Variants in PCDH15 observed in about 807,000 individuals in gnomAD.
The protein encoded by PCDH15 is protocadherin-15.
Under a neutral mutation model 178.5 loss-of-function variants are expected in PCDH15, and 129 were observed. The observed-to-expected ratio is 0.72, with a 90% CI of 0.63 to 0.84. The LOEUF is 0.84. PCDH15 is among the 40% of genes least tolerant of loss of function. PCDH15 has a pLI of 0.00. For missense variants in PCDH15, 2,230 were observed against 2,099.9 expected (o/e 1.06, Z -1.21); for synonymous variants, 800 against 732.0 (o/e 1.09, Z -1.50).
intron 2 of PCDH15, among the ~76,000 whole-genome samples, chr10:54,923,187 G>A (rs1298898772): frequency 1.4e-5 from 2 of 138,170 alleles, no homozygotes; most frequent in African/African-American, 5.0e-5. Context: ...GCCCCTTTTA[G>A]CCATGGCTGG....
intron 15 of PCDH15, among the ~76,000 whole-genome samples, chr10:54,110,351 G>A (rs766258902): frequency 1.3e-5 from 2 of 151,274 alleles, no homozygotes. Flanking sequence ...TAAATGGTAT[G>A]GGATCAGATT....
At chr10:54,881,274 C>T (rs1328670740) in intron 3 of PCDH15, among the ~76,000 whole-genome samples, 1 of 152,026 alleles carries the variant, frequency 6.6e-6, no homozygotes, top group African/African-American at 2.4e-5. Flanking sequence ...GACAGGCAGA[C>T]CTATTCTCCC....
intron 15 of PCDH15, among the ~76,000 whole-genome samples, chr10:54,122,002 T>TACACACACACACACACACACACACACAC (rs57135050): frequency 1.2e-4 from 17 of 146,408 alleles, no homozygotes; most frequent in African/African-American, 2.8e-4. Flanking sequence ...CAAAGACACA[T>TACACACACACACACACACACACACACAC]ACACACACAC....
intron 2 of PCDH15, among the ~76,000 whole-genome samples, chr10:55,111,862 C>A (rs561326217): frequency 2.4e-4 from 37 of 152,024 alleles, no homozygotes; most frequent in African/African-American, 8.0e-4. Context: ...TCAAAAAAAA[C>A]AATAAAAAAT....
chr10:55,438,442 T>G (rs1198114553), intron 2 of PCDH15, among the ~76,000 whole-genome samples: 1 of 152,174 alleles, frequency 6.6e-6, no homozygotes, highest in Non-Finnish European at 1.5e-5. Context: ...TATAGCTTTA[T>G]TAAATAAGAA....
intron 2 of PCDH15, among the ~76,000 whole-genome samples, chr10:55,136,286 T>A (rs569869342): frequency 6.6e-6 from 1 of 152,292 alleles, no homozygotes; most frequent in African/African-American, 2.4e-5. Context: ...ATGTTTTGTT[T>A]TCTGTTAAAC....
chr10:55,338,099 A>G (rs1168537385), intron 2 of PCDH15, among the ~76,000 whole-genome samples: 3 of 152,212 alleles, frequency 2.0e-5, no homozygotes, highest in Non-Finnish European at 4.4e-5. Context: ...TCAGATTACA[A>G]TGAGATATCA....
At chr10:55,456,650 G>T (rs1473014428) in intron 2 of PCDH15, among the ~76,000 whole-genome samples, 1 of 151,704 alleles carries the variant, frequency 6.6e-6, no homozygotes, top group African/African-American at 2.4e-5. Flanking sequence ...AATATATTTT[G>T]GATAAAAATA....
chr10:54,806,252 G>C (rs909532049), upstream of PCDH15, among the ~76,000 whole-genome samples: 3 of 152,050 alleles, frequency 2.0e-5, no homozygotes, highest in African/African-American at 7.2e-5. Context: ...TTATATGCTG[G>C]ATGTATTAGT....
At chr10:54,468,997 C>T (rs1223989349) in intron 3 of PCDH15, among the ~76,000 whole-genome samples, 1 of 152,088 alleles carries the variant, frequency 6.6e-6, no homozygotes, top group African/African-American at 2.4e-5. Context: ...CATGGAATAT[C>T]TTTTTCCATC....
chr10:55,311,079 G>T (rs1416679430), intron 1 of PCDH15, among the ~76,000 whole-genome samples: 1 of 152,132 alleles, frequency 6.6e-6, no homozygotes, highest in Non-Finnish European at 1.5e-5. Flanking sequence ...CATTGCAAAA[G>T]TATTATTTTA....
rs548118750 is a variant in PCDH15 at position 55,267,205 on chromosome 10, T to G, written c.-156+52394A>C. Among the ~76,000 whole-genome samples, 354 of 152,222 alleles carry G rather than the reference T, an allele frequency of 2.3e-3. 2 individuals carry two copies. The highest frequency in any genetic ancestry group is 8.9e-3 in the South Asian group (43 of 4,820). On this transcript the variant is annotated intron_variant, in intron 1 of 5. Coordinates refer to the PCDH15 transcript ENST00000458638. ...ACATACACACACACATATATACATA[T>G]GTATAGGCATTGTTAAAGATATACA... is the stretch of plus-strand genomic sequence containing the variant.
rs1180104815 is a variant in PCDH15, at chr10:54,354,512, G to C, written c.475-8028C>G. Among the ~76,000 whole-genome samples, 5 of 152,072 alleles carry C rather than the reference G, an allele frequency of 3.3e-5. No individual in the cohort carries two copies. The East Asian group carries it at 9.6e-4, about 29-fold the overall frequency. On this transcript the variant is annotated intron_variant, in intron 5 of 37. Coordinates refer to ENST00000644397, the MANE Select transcript of PCDH15 (RefSeq NM_001384140.1). ...AAATGGGGACAAGTAAGAGGAACTAGAGATTAGTCTTACTTCTTTCTTTAA... is the reference window on the plus strand; with the variant it reads ...AAATGGGGACAAGTAAGAGGAACTACAGATTAGTCTTACTTCTTTCTTTAA...
chr10:53,951,282 T>C (rs2087006856), intron 23 of PCDH15, among the ~76,000 whole-genome samples: 1 of 152,208 alleles, frequency 6.6e-6, no homozygotes, highest in African/African-American at 2.4e-5. Flanking sequence ...TATTTCTGTG[T>C]AATAGGGATA....
intron 3 of PCDH15, among the ~76,000 whole-genome samples, chr10:54,853,312 T>TACACACAC (rs1327737887): frequency 1.6e-5 from 2 of 128,330 alleles, no homozygotes; most frequent in African/African-American, 6.3e-5. Flanking sequence ...TATATATATA[T>TACACACAC]ATATATACAT....
chr10:54,449,069 C>G (rs1235489761), intron 3 of PCDH15, among the ~76,000 whole-genome samples: 1 of 151,620 alleles, frequency 6.6e-6, no homozygotes, highest in Non-Finnish European at 1.5e-5. Flanking sequence ...GTCTCTATTC[C>G]TTGGCTACGG....
Position 54,317,438 on chromosome 10 carries a change from G to T in PCDH15, c.709C>A (p.Arg237Ser). 6.2e-7 allele frequency: 1 copy of T among 1,613,684 alleles called. No individual in the cohort carries two copies. Among genetic ancestry groups the T allele is most frequent in the South Asian group, 1.1e-5 (1 of 91,072 alleles). Residue 237 changes from arginine to serine, a missense_variant, in exon 8 of 38, where the codon CGT becomes AGT. Arg to Ser is a moderately radical substitution (Grantham distance 110). Coordinates refer to ENST00000644397, the MANE Select transcript of PCDH15 (RefSeq NM_001384140.1). Reference protein sequence around the residue: ...RYFVIIQANDRAQNLNERRTT... With the variant: ...RYFVIIQANDSAQNLNERRTT... ...CGCCTCTCATTCAGATTTTGGGCACGGTCCTGTTAGGGAGAAAAACAAACA... is the reference window on the plus strand; with the variant it reads ...CGCCTCTCATTCAGATTTTGGGCACTGTCCTGTTAGGGAGAAAAACAAACA...
intron 37 of PCDH15, chr10:53,808,359 C>T (rs1272781218): frequency 5.2e-6 from 4 of 775,262 alleles, no homozygotes; most frequent in Middle Eastern, 1.3e-3. Context: ...TATATGCCAT[C>T]CATTCCAATA....
chr10:54,288,152 T>C (rs990927508), intron 8 of PCDH15, among the ~76,000 whole-genome samples: 1 of 151,776 alleles, frequency 6.6e-6, no homozygotes, highest in African/African-American at 2.4e-5. Flanking sequence ...TGAAACCCCA[T>C]CTCTACCAAA....
Sources: allele counts gnomAD v4.1 joint callset (sites outside exome capture counted in the v4.1 genomes callset), GRCh38; gene constraint gnomAD v4.1.1; transcripts MANE v1.5; gene names NCBI Gene and HGNC (gene_info 2026-07-23, HGNC 2026-07-21).